Variants in DOCK2 observed in about 807,000 individuals in gnomAD.
The protein encoded by DOCK2 is dedicator of cytokinesis protein 2.
Under a neutral mutation model 248.9 loss-of-function variants are expected in DOCK2, and 87 were observed. The observed-to-expected ratio is 0.35, with a 90% CI of 0.29 to 0.42. The LOEUF is 0.42. Among genes scored for constraint, DOCK2 ranks in the 10% least tolerant of loss-of-function variants. The pLI is 1.00. For missense variants in DOCK2, 1,747 were observed against 2,300.2 expected, an observed-to-expected ratio of 0.76 and a Z score of 4.92; for synonymous variants, 805 against 821.6, an observed-to-expected ratio of 0.98 and a Z score of 0.35.
intron 36 of DOCK2, among the ~76,000 whole-genome samples, chr5:170,039,156 T>C (rs961831346): frequency 1.5e-4 from 23 of 152,314 alleles, no homozygotes; most frequent in Admixed American, 1.3e-3. Flanking sequence ...GATGAATTGA[T>C]AAAAATACAT....
rs370098432 is a variant in DOCK2 at position 169,670,496 on chromosome 5, A to G, written c.169-46A>G. 1.1e-4 allele frequency: 167 copies of G among 1,585,880 alleles called. No homozygotes were observed. In the African/African-American group the frequency reaches 1.9e-3, roughly 18 times the overall value. On this transcript the variant is annotated intron_variant, in intron 3 of 51. Transcript: ENST00000520908. ...TAGGGTCATTCATTTCTGTGGTGAT[A>G]TATCTTTTTATTTTATTTTGTTTTG...
intron 25 of DOCK2, 47 bp downstream of exon 25, chr5:169,761,672 C>G (rs780313830): frequency 6.5e-7 from 1 of 1,531,690 alleles, no homozygotes; most frequent in Non-Finnish European, 9.0e-7. Context: ...GGCCAATAAA[C>G]CCCACATCAT....
intron 22 of DOCK2, among the ~76,000 whole-genome samples, chr5:169,741,201 A>T (rs1388370397): frequency 4.6e-5 from 7 of 152,156 alleles, no homozygotes; most frequent in African/African-American, 1.4e-4. Context: ...TCAGGTCCAT[A>T]CACCTTGATG....
intron 6 of DOCK2, among the ~76,000 whole-genome samples, chr5:169,679,291 C>A (rs946147770): frequency 6.6e-6 from 1 of 152,136 alleles, no homozygotes; most frequent in African/African-American, 2.4e-5. Context: ...TTCATTTTAT[C>A]ACTTCCTTGA....
chr5:169,765,072 A>G (rs1207886407), intron 25 of DOCK2, among the ~76,000 whole-genome samples: 7 of 148,218 alleles, frequency 4.7e-5, no homozygotes, highest in East Asian at 2.0e-4. Context: ...CTTTTAGCGC[A>G]CACACACACA....
chr5:170,008,380 T>G, intron 30 of DOCK2, 117 bp from the exon 31 acceptor site: 1 of 1,072,120 alleles, frequency 9.3e-7, no homozygotes, highest in Admixed American at 2.0e-5. Flanking sequence ...GTGGGCACAA[T>G]TAAACTGGTT....
intron 40 of DOCK2, among the ~76,000 whole-genome samples, chr5:170,048,071 T>G (rs1468611755): frequency 6.6e-6 from 1 of 152,184 alleles, no homozygotes; most frequent in Non-Finnish European, 1.5e-5. Context: ...TAAGAAAATG[T>G]TTTTTGAAGT....
chr5:169,670,977 A>C, intron 4 of DOCK2, 101 bp from the exon 5 acceptor site: 2 of 879,452 alleles, frequency 2.3e-6, no homozygotes, highest in Non-Finnish European at 3.6e-6. Context: ...AATGTCAGGA[A>C]GGCCCCTCCG....
intron 23 of DOCK2, among the ~76,000 whole-genome samples, chr5:169,757,129 G>A (rs1764239433): frequency 6.6e-6 from 1 of 151,952 alleles, no homozygotes; most frequent in Non-Finnish European, 1.5e-5. Context: ...GAGTCTTTAG[G>A]GAGAGAATGG....
intron 27 of DOCK2, chr5:169,980,539 A>T (rs1218833946): frequency 6.6e-6 from 1 of 152,018 alleles, no homozygotes; most frequent in African/African-American, 2.4e-5. Flanking sequence ...GGGAGAGGAG[A>T]GATGGAGCAG....
chr5:170,075,830 G>A, intron 46 of DOCK2, 117 bp from the exon 47 acceptor site: 1 of 1,387,570 alleles, frequency 7.2e-7, no homozygotes, highest in East Asian at 2.3e-5. Flanking sequence ...TGAGGACCCT[G>A]AAGCCCTTGA....
chr5:169,820,815 T>C (rs1768384954), intron 26 of DOCK2, among the ~76,000 whole-genome samples: 1 of 152,114 alleles, frequency 6.6e-6, no homozygotes, highest in Non-Finnish European at 1.5e-5. Flanking sequence ...ACGATCAAAC[T>C]ACTCTGAGCT....
intron 27 of DOCK2, among the ~76,000 whole-genome samples, chr5:169,854,373 C>A (rs186110188): frequency 6.6e-6 from 1 of 151,814 alleles, no homozygotes; most frequent in South Asian, 2.1e-4. Context: ...TTAGTAGAGA[C>A]GGGGTTTCAC....
intron 28 of DOCK2, 50 bp downstream of exon 28, chr5:169,983,216 A>G: frequency 6.3e-7 from 1 of 1,587,412 alleles, no homozygotes; most frequent in Non-Finnish European, 8.7e-7. Flanking sequence ...CATCTCTGGA[A>G]CATGGCTTCT....
At chr5:170,014,201 G>A (rs950843489) in intron 32 of DOCK2, among the ~76,000 whole-genome samples, 2 of 152,136 alleles carry the variant, frequency 1.3e-5, no homozygotes, top group South Asian at 2.1e-4. Flanking sequence ...GATTAGAGTG[G>A]CCATCCGTCT....
intron 27 of DOCK2, among the ~76,000 whole-genome samples, chr5:169,900,497 T>C (rs921401022): frequency 6.6e-6 from 1 of 152,198 alleles, no homozygotes; most frequent in Non-Finnish European, 1.5e-5. Context: ...AGGACCTTAT[T>C]GGCCAAACAG....
At chr5:169,665,503 AC>A (rs1189426774) in intron 2 of DOCK2, among the ~76,000 whole-genome samples, 1 of 152,038 alleles carries the variant, frequency 6.6e-6, no homozygotes, top group East Asian at 1.9e-4. Context: ...CTTGCTTCAG[AC>A]ATTTGTTTTT....
chr5:169,699,949 C>A, intron 12 of DOCK2, 65 bp from the exon 13 acceptor site: 1 of 1,594,536 alleles, frequency 6.3e-7, no homozygotes. Flanking sequence ...GGAGAGGTGG[C>A]GGGAGGGCCG....
At chr5:169,664,715 A>G (rs1463879396) in intron 2 of DOCK2, among the ~76,000 whole-genome samples, 5 of 152,188 alleles carry the variant, frequency 3.3e-5, no homozygotes, top group Non-Finnish European at 7.3e-5. Flanking sequence ...CGTTATCACC[A>G]GAACAGCATG....
Sources: allele counts gnomAD v4.1 joint callset (sites outside exome capture counted in the v4.1 genomes callset), GRCh38; gene constraint gnomAD v4.1.1; transcripts MANE v1.5; gene names NCBI Gene and HGNC (gene_info 2026-07-23, HGNC 2026-07-21).